Variants in CCAR1 observed in about 807,000 individuals in gnomAD.
CCAR1 encodes cell division cycle and apoptosis regulator 1.
In CCAR1, 78 loss-of-function variants were observed where a neutral mutation model predicts 163.8. The observed-to-expected ratio is 0.48, with a 90% confidence interval of 0.40 to 0.57. The LOEUF (loss-of-function observed/expected upper bound fraction) is 0.57. CCAR1 is among the 20% of genes least tolerant of loss of function. CCAR1 has a pLI of 0.00. For missense variants in CCAR1, 1,019 were observed against 1,365.2 expected, an observed-to-expected ratio of 0.75 and a Z score of 4.00; for synonymous variants, 443 against 460.7, an observed-to-expected ratio of 0.96 and a Z score of 0.49.
intron 19 of CCAR1, among the ~76,000 whole-genome samples, chr10:68,784,213 T>C (rs2133429093): frequency 6.6e-6 from 1 of 151,452 alleles, no homozygotes; most frequent in Admixed American, 6.6e-5. Context: ...ATTGACTCTA[T>C]TTATATATTT....
intron 10 of CCAR1, among the ~76,000 whole-genome samples, chr10:68,749,960 AT>A (rs1384777067): frequency 9.2e-5 from 14 of 152,194 alleles, no homozygotes; most frequent in African/African-American, 3.4e-4. Flanking sequence ...ATCAGTTAAG[AT>A]CTAGACTTAC....
intron 2 of CCAR1, among the ~76,000 whole-genome samples, chr10:68,731,445 A>G (rs2056036197): frequency 6.6e-6 from 1 of 152,206 alleles, no homozygotes; most frequent in Non-Finnish European, 1.5e-5. Context: ...TTTATAAAAG[A>G]TATAATCACA....
chr10:68,725,408 A>T (rs1564526060), intron 2 of CCAR1, among the ~76,000 whole-genome samples: 1 of 152,118 alleles, frequency 6.6e-6, no homozygotes, highest in Non-Finnish European at 1.5e-5. Flanking sequence ...AAAAAAAATA[A>T]ATAAAAATAA....
At chr10:68,752,930 A>AGATG (rs1265589305) in intron 10 of CCAR1, among the ~76,000 whole-genome samples, 1 of 144,886 alleles carries the variant, frequency 6.9e-6, no homozygotes, top group Non-Finnish European at 1.5e-5. Flanking sequence ...ATAGATAGAT[A>AGATG]GATAGATAGA....
intron 23 of CCAR1, among the ~76,000 whole-genome samples, chr10:68,789,160 C>T (rs1431435997): frequency 6.6e-6 from 1 of 151,822 alleles, no homozygotes; most frequent in East Asian, 2.0e-4. Context: ...CCGCCCACCT[C>T]AGCCTCCCAA....
chr10:68,786,408 A>C, intron 20 of CCAR1, 138 bp from the exon 21 acceptor site: 1 of 716,490 alleles, frequency 1.4e-6, no homozygotes. Context: ...CGTATACCAG[A>C]TAAACTCATT....
At chr10:68,784,949 G>A (rs1259260125) in intron 19 of CCAR1, among the ~76,000 whole-genome samples, 2 of 130,570 alleles carry the variant, frequency 1.5e-5, no homozygotes, top group Non-Finnish European at 3.1e-5. Context: ...ATGGAGTCTC[G>A]CTCTGTCACC....
At chr10:68,737,942 C>A in intron 4 of CCAR1, 53 bp downstream of exon 4, 3 of 1,203,874 alleles carry the variant, frequency 2.5e-6, no homozygotes, top group Non-Finnish European at 3.6e-6. Flanking sequence ...CCATTTGCTC[C>A]AAAGTTCAAT....
rs2056848656 is a variant in CCAR1, at chr10:68,791,208, A to G, written c.3395A>G (p.Asp1132Gly). Reference protein sequence around the residue: ...MDEIHTVLKKDNVKNEDKDQK... With the variant: ...MDEIHTVLKKGNVKNEDKDQK... ...TTTTCCTTCTCTATTGTCTTATAGG[A>G]TAATGTAAAGAATGAAGACAAAGAT... The change falls in exon 25 of 25, where the codon GAT (aspartate) becomes GGT (glycine). Residue 1132 changes from aspartate (D) to glycine (G), a missense_variant and splice_region_variant. Physicochemically the swap from Asp to Gly is moderately conservative, Grantham distance 94. Transcript: ENST00000265872. The G allele has an allele frequency of 1.9e-6, 3 of 1,562,826 alleles. No homozygotes were observed. Among genetic ancestry groups the G allele is most frequent in the African/African-American group, 2.7e-5 (2 of 73,644 alleles).
chr10:68,777,666 A>AGCTGGGT (rs1480622118), intron 19 of CCAR1, among the ~76,000 whole-genome samples: 1 of 151,060 alleles, frequency 6.6e-6, no homozygotes, highest in East Asian at 2.0e-4. Context: ...CCTGGGTGAC[A>AGCTGGGT]GAGCAAGACT....
intron 2 of CCAR1, among the ~76,000 whole-genome samples, chr10:68,729,750 T>A (rs1047533042): frequency 2.6e-5 from 4 of 152,070 alleles, no homozygotes; most frequent in Non-Finnish European, 4.4e-5. Context: ...AGTTTGAAAT[T>A]TTGAATTTTA....
At position 68,775,687 on chromosome 10, in the gene CCAR1, CTTTTTTTTTTTTTTTTT is replaced by C. The variant is rs71028782; in HGVS notation, c.2650+2599_2650+2615del. 1.7e-4 allele frequency among the ~76,000 whole-genome samples: 9 copies of C among 51,762 alleles called. 1 individual carries two copies. The highest frequency in any genetic ancestry group is 4.2e-4 in the African/African-American group (5 of 11,776). 34.0% of individuals were successfully genotyped at this position (51,762 alleles called of 152,430 possible). A position where few individuals can be genotyped will look rare whatever the true frequency, so the allele number is the denominator to read the frequency against. ...ACCACGCCCAGCTAATTTTTCTTTTCTTTTTTTTTTTTTTTTTTTTTTTTTTTGAGATGGAGTCTCAC... is the reference window on the plus strand; with the variant it reads ...ACCACGCCCAGCTAATTTTTCTTTTCTTTTTTTTTTGAGATGGAGTCTCAC... On this transcript the variant is annotated intron_variant, in intron 19 of 24. Coordinates refer to ENST00000265872, the MANE Select transcript of CCAR1 (RefSeq NM_018237.4).
At chr10:68,758,819 T>C (rs2056433325) in intron 15 of CCAR1, among the ~76,000 whole-genome samples, 2 of 151,630 alleles carry the variant, frequency 1.3e-5, no homozygotes, top group East Asian at 3.9e-4. Flanking sequence ...ACTACAGGCC[T>C]GTGCCACCAT....
intron 15 of CCAR1, chr10:68,759,415 A>G (rs2056440337): frequency 6.5e-6 from 1 of 153,824 alleles, no homozygotes; most frequent in South Asian, 2.0e-4. Context: ...ATCCTGTCTA[A>G]AAATAAATAC....
intron 19 of CCAR1, among the ~76,000 whole-genome samples, chr10:68,781,417 C>T (rs1178208360): frequency 6.6e-6 from 1 of 151,952 alleles, no homozygotes; most frequent in East Asian, 1.9e-4. Context: ...GTGGCGGGCA[C>T]CTGTAATCCC....
intron 21 of CCAR1, chr10:68,786,978 G>A (rs952647389): frequency 4.3e-5 from 10 of 230,880 alleles, no homozygotes; most frequent in Non-Finnish European, 7.6e-5. Context: ...CCAGCTACTC[G>A]GGAAGCTGAG....
intron 21 of CCAR1, among the ~76,000 whole-genome samples, chr10:68,787,638 C>A (rs989536530): frequency 3.3e-5 from 5 of 152,098 alleles, no homozygotes; most frequent in African/African-American, 4.8e-5. Context: ...GAGTTCAAGA[C>A]CAGCCTGGCT....
chr10:68,726,157 A>AT (rs34258590), intron 2 of CCAR1, among the ~76,000 whole-genome samples: 119,064 of 139,378 alleles, frequency 0.85, 51,228 homozygotes, highest in East Asian at 0.97. Flanking sequence ...CAGGGTTTTA[A>AT]TTTTTTTTTT....
At position 68,754,601 on chromosome 10, in the gene CCAR1, C is replaced by A. The variant is rs1002576210; in HGVS notation, c.1345-113C>A. The A allele has an allele frequency of 1.2e-5, 7 of 607,856 alleles. 1 individual carries two copies. Among genetic ancestry groups the A allele is most frequent in the Admixed American group, 6.1e-5 (2 of 33,056 alleles). 37.7% of individuals were successfully genotyped at this position (607,856 alleles called of 1,614,324 possible). A position where few individuals can be genotyped will look rare whatever the true frequency, so the allele number is the denominator to read the frequency against. On this transcript the variant is annotated intron_variant, in intron 11 of 24. Transcript: ENST00000265872. ...TACTGTTTCTGCTATAGTATTACTTCCTATTTTTATTTAAATTTCAGACAT... is the reference window on the plus strand; with the variant it reads ...TACTGTTTCTGCTATAGTATTACTTACTATTTTTATTTAAATTTCAGACAT...
Sources: gnomAD v4.1 joint callset for allele counts (sites outside exome capture counted in the v4.1 genomes callset) on GRCh38, gnomAD v4.1.1 for gene constraint, MANE v1.5 for transcripts, NCBI Gene and HGNC (gene_info 2026-07-23, HGNC 2026-07-21) for gene names.